The following TNFRSF4 variants were observed in gnomAD, a reference collection of about 807,000 sequenced individuals.
TNFRSF4 encodes tumor necrosis factor receptor superfamily member 4.
In TNFRSF4, 21 loss-of-function variants were observed where a neutral mutation model predicts 29.5. The observed-to-expected ratio is 0.71, with a 90% confidence interval of 0.51 to 1.03. TNFRSF4 has a LOEUF of 1.03. TNFRSF4 is among the 50% of genes least tolerant of loss of function. TNFRSF4 has a pLI of 0.00. For missense variants in TNFRSF4, 408 were observed against 387.8 expected (o/e 1.05, Z -0.44); for synonymous variants, 197 against 172.7 (o/e 1.14, Z -1.10).
intron 3 of TNFRSF4, 93 bp from the exon 4 acceptor site, chr1:1,212,797 T>C: frequency 7.8e-7 from 1 of 1,277,162 alleles, no homozygotes; most frequent in Non-Finnish European, 1.1e-6. Flanking sequence ...TTGCCCCCCA[T>C]GGCTGGGTGG....
At position 1,211,399 on chromosome 1, in the gene TNFRSF4, T is replaced by C; in HGVS notation, c.*156A>G. The C allele has an allele frequency of 1.5e-6, 1 of 661,290 alleles. No homozygotes were observed. Among genetic ancestry groups the C allele is most frequent in the Non-Finnish European group, 2.3e-6 (1 of 428,614 alleles). 41.0% of individuals were successfully genotyped at this position (661,290 alleles called of 1,614,324 possible). A position where few individuals can be genotyped will look rare whatever the true frequency, so the allele number is the denominator to read the frequency against. ...GGGCAGGAGGTATGCATGGCATACG[T>C]AAGCAGAGAGCCGGAGGCAGCCATC... On this transcript the variant is annotated 3_prime_UTR_variant, in exon 7 of 7. Transcript: ENST00000379236.
At chr1:1,212,493 C>T in intron 4 of TNFRSF4, 145 bp downstream of exon 4, 3 of 680,302 alleles carry the variant, frequency 4.4e-6, no homozygotes, top group South Asian at 4.1e-5. Context: ...AGCCAGGCCC[C>T]CAGGGCCACC....
In TNFRSF4 at chr1:1,211,749, G is replaced by A. The variant is rs759580411; in HGVS notation, c.718C>T (p.Leu240Phe). 3 of 1,574,708 alleles carry A rather than the reference G, an allele frequency of 1.9e-6. No individual in the cohort carries two copies. Among genetic ancestry groups the A allele is most frequent in the African/African-American group, 1.3e-5 (1 of 74,338 alleles). ...GGGGGCAGCCTCTGGTCCCTCCGGA[G>A]CAGGTACAGGGCCAGCAGGATGGCC... ...PLAILLALYL[L>F]RRDQRLPPDA... is the part of the protein sequence containing the mutation. The change falls in exon 6 of 7, where the codon CTC (leucine) becomes TTC (phenylalanine). Residue 240 changes from leucine (L) to phenylalanine (F), a missense_variant. Transcript: ENST00000379236.
Position 1,212,084 on chromosome 1 carries a change from T to C in TNFRSF4, c.492A>G (p.Ala164=). The C allele has an allele frequency of 6.2e-7, 1 of 1,612,512 alleles. No homozygotes were observed. The highest frequency in any genetic ancestry group is 8.5e-7 in the Non-Finnish European group (1 of 1,179,698). ...CTGGGGGGTCCCTGTCCTCACAGAT[T>C]GCGTCCGAGCTATTGCTGGCCGGCT... ...TLQPASNSSD[A]ICEDRDPPAT... Residue 164 remains alanine (A), a synonymous_variant, in exon 5 of 7, where the codon GCA becomes GCG. Transcript: ENST00000379236.
In TNFRSF4 at chr1:1,212,622, T is replaced by G; in HGVS notation, c.437+16A>C. On this transcript the variant is annotated intron_variant, in intron 4 of 6. Coordinates refer to ENST00000379236, the MANE Select transcript of TNFRSF4 (RefSeq NM_003327.4). ...CCCCCCCCCAGCCCCTCCCAGCCCC[T>G]GGCCAGGCCCCTCACTTGGTCCAGG... The G allele has an allele frequency of 1.5e-5, 10 of 676,032 alleles. No homozygotes were observed. Among genetic ancestry groups the G allele is most frequent in the East Asian group, 6.3e-5 (1 of 15,820 alleles). 41.9% of individuals were successfully genotyped at this position (676,032 alleles called of 1,614,324 possible).
chr1:1,213,482 G>T lies in TNFRSF4; in HGVS notation c.268+181C>A, dbSNP rs531294013. The T allele has an allele frequency of 4.1e-5, 61 of 1,476,248 alleles. No homozygotes were observed. In the East Asian group the frequency reaches 1.4e-3, roughly 33 times the overall value. The allele number at this position is 1,476,248 out of a possible 1,614,324, so 91.4% of individuals were successfully genotyped here. A position where few individuals can be genotyped will look rare whatever the true frequency, so the allele number is the denominator to read the frequency against. ...GGCCGAGTCTGGGCCCCCGGAGGGA[G>T]AGGGGGTGCCCCTGGGAGACGCCTC... is the stretch of plus-strand genomic sequence containing the variant. On this transcript the variant is annotated intron_variant, in intron 2 of 6. Coordinates refer to ENST00000379236, the MANE Select transcript of TNFRSF4 (RefSeq NM_003327.4).
At chr1:1,212,596 A>AACCCCCC in intron 4 of TNFRSF4, 42 bp downstream of exon 4, 10 of 845,428 alleles carry the variant, frequency 1.2e-5, no homozygotes, top group African/African-American at 3.2e-5. Context: ...AACCACCCCA[A>AACCCCCC]CCCCCCCCCA....
In TNFRSF4 at chr1:1,213,110, TG is replaced by T. The variant is rs750655851; in HGVS notation, c.269-18del. On this transcript the variant is annotated intron_variant, in intron 2 of 6. Transcript: ENST00000379236. ...TCCCACTTCCTGAGCAGGGGCCGGA[TG>T]GGGGGGTGGTCAGGTGGGGGCTGTG... 9.4e-6 allele frequency: 15 copies of T among 1,600,582 alleles called. No homozygotes were observed. Among genetic ancestry groups the T allele is most frequent in the East Asian group, 2.2e-5 (1 of 44,470 alleles).
chr1:1,212,597 C>T, intron 4 of TNFRSF4, 41 bp downstream of exon 4: 1 of 599,138 alleles, frequency 1.7e-6, no homozygotes, highest in Non-Finnish European at 2.4e-6. Flanking sequence ...ACCACCCCAA[C>T]CCCCCCCCAG....
Position 1,212,681 on chromosome 1 carries a change from G to A in TNFRSF4, c.394C>T (p.His132Tyr), listed in dbSNP as rs747493636. Residue 132 changes from histidine (H) to tyrosine (Y), a missense_variant, in exon 4 of 7, where the codon CAC (histidine) becomes TAC (tyrosine). By Grantham distance (83) the His-to-Tyr change is moderately conservative. Coordinates refer to ENST00000379236, the MANE Select transcript of TNFRSF4 (RefSeq NM_003327.4). ...GCCTGGTTGTCGCCTGGGGAGAAGTGCCCTGGAGGGCAGGGGGCACAGTCT... is the reference window on the plus strand; with the variant it reads ...GCCTGGTTGTCGCCTGGGGAGAAGTACCCTGGAGGGCAGGGGGCACAGTCT... ...GVDCAPCPPG[H>Y]FSPGDNQACK... is the part of the protein sequence containing the mutation. 3 of 1,569,902 alleles carry A rather than the reference G, an allele frequency of 1.9e-6. No homozygotes were observed. The highest frequency in any genetic ancestry group is 1.2e-5 in the South Asian group (1 of 86,076).
Position 1,213,992 on chromosome 1 carries a change from A to G in TNFRSF4, c.136T>C (p.Cys46Arg). ...CCTCCTGAGGCCTCACCTGGCCTGCACTCGTGGCAGCACCGGTCGTTGCTG... is the reference window on the plus strand; with the variant it reads ...CCTCCTGAGGCCTCACCTGGCCTGCGCTCGTGGCAGCACCGGTCGTTGCTG... ...YPSNDRCCHE[C>R]RPGNGMVSRC... The change falls in exon 1 of 7, where the codon TGC becomes CGC. Residue 46 changes from cysteine to arginine, a missense_variant. Physicochemically the swap from Cys to Arg is radical, Grantham distance 180. Coordinates refer to ENST00000379236, the MANE Select transcript of TNFRSF4 (RefSeq NM_003327.4). The G allele has an allele frequency of 1.9e-6, 3 of 1,602,404 alleles. No homozygotes were observed. The highest frequency in any genetic ancestry group is 2.5e-6 in the Non-Finnish European group (3 of 1,177,020).
In TNFRSF4 at chr1:1,212,072, G is replaced by T; in HGVS notation, c.504C>A (p.Asp168Glu). ...ASNSSDAICE[D>E]RDPPATQPQE... ...GGGGCTGCGTGGCTGGGGGGTCCCT[G>T]TCCTCACAGATTGCGTCCGAGCTAT... The change falls in exon 5 of 7, where the codon GAC (aspartate) becomes GAA (glutamate). Residue 168 changes from aspartate to glutamate, a missense_variant. Transcript: ENST00000379236. 1 of 1,612,416 alleles carries T rather than the reference G, an allele frequency of 6.2e-7. No homozygotes were observed.
At position 1,211,344 on chromosome 1, in the gene TNFRSF4, G is replaced by T. The variant is rs933688305; in HGVS notation, c.*211C>A. Reference sequence around the variant, plus strand: ...CCCACAGTGCCGGTCGGAGACTCCCGTCTGCCAAGGTTTTTATTGTGGTCC... The same window carrying T: ...CCCACAGTGCCGGTCGGAGACTCCCTTCTGCCAAGGTTTTTATTGTGGTCC... On this transcript the variant is annotated 3_prime_UTR_variant, in exon 7 of 7. Transcript: ENST00000379236. The T allele has an allele frequency of 2.1e-6, 1 of 467,314 alleles. No homozygotes were observed. 28.9% of individuals were successfully genotyped at this position (467,314 alleles called of 1,614,324 possible). A position where few individuals can be genotyped will look rare whatever the true frequency, so the allele number is the denominator to read the frequency against.
At chr1:1,211,664 A>T (rs1649112709) in intron 6 of TNFRSF4, 39 bp from the exon 7 acceptor site, 1 of 1,566,748 alleles carries the variant, frequency 6.4e-7, no homozygotes, top group African/African-American at 1.4e-5. Flanking sequence ...GGTGGGCCTC[A>T]CCCGCCAGGA....
chr1:1,213,223 C>T, intron 2 of TNFRSF4, 130 bp from the exon 3 acceptor site: 4 of 1,535,044 alleles, frequency 2.6e-6, no homozygotes, highest in Non-Finnish European at 3.5e-6. Context: ...CTGCGGCCTC[C>T]CCTGAGACTT....
At chr1:1,213,188 C>T (rs1160058479) in intron 2 of TNFRSF4, 95 bp from the exon 3 acceptor site, 1 of 1,537,570 alleles carries the variant, frequency 6.5e-7, no homozygotes, top group African/African-American at 1.4e-5. Context: ...GCCTCCCCAC[C>T]ACACAGAGGG....
In TNFRSF4 at chr1:1,213,466, T is replaced by A. The variant is rs781455660; in HGVS notation, c.268+197A>T. Reference sequence around the variant, plus strand: ...GACTCCACGTGGCCTGGGCCGAGTCTGGGCCCCCGGAGGGAGAGGGGGTGC... The same window carrying A: ...GACTCCACGTGGCCTGGGCCGAGTCAGGGCCCCCGGAGGGAGAGGGGGTGC... On this transcript the variant is annotated intron_variant, in intron 2 of 6. Transcript: ENST00000379236. 4 of 1,490,460 alleles carry A rather than the reference T, an allele frequency of 2.7e-6. No individual in the cohort carries two copies. In the South Asian group the frequency reaches 5.3e-5, roughly 20 times the overall value. 92.3% of individuals were successfully genotyped at this position (1,490,460 alleles called of 1,614,324 possible).
At position 1,214,090 on chromosome 1, in the gene TNFRSF4, C is replaced by A; in HGVS notation, c.38G>T (p.Cys13Phe). Reference sequence around the variant, plus strand: ...CAGGCCCAGGAGGAGCAGAGCCGCACACGGCCCGCGGCCCAGCCGCCGAGC... The same window carrying A: ...CAGGCCCAGGAGGAGCAGAGCCGCAAACGGCCCGCGGCCCAGCCGCCGAGC... ...VGARRLGRGP[C>F]AALLLLGLGL... The change falls in exon 1 of 7, where the codon TGT (cysteine) becomes TTT (phenylalanine). Residue 13 changes from cysteine (C) to phenylalanine (F), a missense_variant. By Grantham distance (205) the Cys-to-Phe change is radical. Transcript: ENST00000379236. The surrounding 1 kb of genome is among the most constrained non-coding windows in gnomAD (Gnocchi z 4.2). The A allele has an allele frequency of 6.3e-7, 1 of 1,588,680 alleles. No individual in the cohort carries two copies. The highest frequency in any genetic ancestry group is 1.1e-5 in the South Asian group (1 of 88,486).
intron 2 of TNFRSF4, 60 bp downstream of exon 2, chr1:1,213,603 T>C (rs1457667784): frequency 6.6e-7 from 1 of 1,516,072 alleles, no homozygotes; most frequent in East Asian, 2.4e-5. Flanking sequence ...CGTGGGAATG[T>C]GGGTGCCAGG....
Sources: allele counts gnomAD v4.1 joint callset, GRCh38; gene constraint gnomAD v4.1.1; non-coding constraint Gnocchi (gnomAD v3.1); transcripts MANE v1.5; gene names NCBI Gene and HGNC (gene_info 2026-07-23, HGNC 2026-07-21).